Variants in OTUD7A observed in about 807,000 individuals in gnomAD.
OTUD7A encodes the protein OTU domain-containing protein 7A.
OTUD7A carries 12 observed loss-of-function variants against 65.7 expected under a neutral mutation model. That is an observed-to-expected ratio of 0.18 (90% confidence interval 0.12 to 0.30). The LOEUF (loss-of-function observed/expected upper bound fraction) is 0.30, where lower values mean the gene tolerates loss of function less well. Among genes scored for constraint, OTUD7A ranks in the 10% least tolerant of loss-of-function variants. The pLI, the probability that OTUD7A is intolerant of heterozygous loss-of-function variation, is 1.00. For missense variants in OTUD7A, 1,148 were observed against 1,304.8 expected (o/e 0.88, Z 1.85); for synonymous variants, 641 against 586.3 (o/e 1.09, Z -1.35).
At chr15:31,485,924 C>G (rs2041230429) in intron 12 of OTUD7A, among the ~76,000 whole-genome samples, 1 of 152,216 alleles carries the variant, frequency 6.6e-6, no homozygotes, top group South Asian at 2.1e-4. Flanking sequence ...ATTCCTTTCC[C>G]CTTCCCACCT....
At chr15:31,595,441 G>A (rs917476030) in intron 3 of OTUD7A, among the ~76,000 whole-genome samples, 7 of 152,222 alleles carry the variant, frequency 4.6e-5, no homozygotes, top group Admixed American at 2.6e-4. Flanking sequence ...ATGGTAGAAT[G>A]AATGCCCAGA....
At chr15:31,640,367 T>C (rs1272495136) in intron 3 of OTUD7A, among the ~76,000 whole-genome samples, 2 of 152,216 alleles carry the variant, frequency 1.3e-5, no homozygotes, top group Non-Finnish European at 2.9e-5. Flanking sequence ...CTTACTCATG[T>C]AACCAAACAC....
intron 1 of OTUD7A, among the ~76,000 whole-genome samples, chr15:31,760,105 A>G (rs1894921133): frequency 6.6e-6 from 1 of 152,182 alleles, no homozygotes; most frequent in South Asian, 2.1e-4. Flanking sequence ...AGTCTCCCTT[A>G]TAACTTTGCT....
chr15:31,653,715 A>G (rs1386485476), intron 3 of OTUD7A, among the ~76,000 whole-genome samples: 1 of 151,554 alleles, frequency 6.6e-6, no homozygotes, highest in East Asian at 1.9e-4. Flanking sequence ...GTTAAAGTTC[A>G]TAGAACTAGA....
chr15:31,549,382 T>A (rs1320195203), intron 5 of OTUD7A, among the ~76,000 whole-genome samples: 1 of 152,196 alleles, frequency 6.6e-6, no homozygotes, highest in Non-Finnish European at 1.5e-5. Flanking sequence ...TCTAAAGTGG[T>A]CCTCAGATTC....
chr15:31,607,078 A>G (rs1158084383), intron 3 of OTUD7A, among the ~76,000 whole-genome samples: 6 of 152,240 alleles, frequency 3.9e-5, no homozygotes, highest in Non-Finnish European at 7.3e-5. Context: ...ATGACATCAG[A>G]GAGTATAAAG....
chr15:31,715,058 C>T (rs1432038096), intron 1 of OTUD7A, among the ~76,000 whole-genome samples: 2 of 151,902 alleles, frequency 1.3e-5, no homozygotes, highest in African/African-American at 4.8e-5. Context: ...ATTGCTTGAA[C>T]CTGGGAGGCT....
At position 31,487,340 on chromosome 15, in the gene OTUD7A, C is replaced by G; in HGVS notation, c.1287-62G>C. 1 of 1,590,912 alleles carries G rather than the reference C, an allele frequency of 6.3e-7. No individual in the cohort carries two copies. ...GCTGGCCCTTATAGCACCCAGTCCA[C>G]TTGCATGCCAGCTGTCCCAGGAGGA... On this transcript the variant is annotated intron_variant, in intron 11 of 12. Transcript: ENST00000307050. This position sits in a 1 kb window ranked among gnomAD's most constrained non-coding sequence, Gnocchi z 6.0.
chr15:31,709,450 C>T (rs965309767), intron 1 of OTUD7A, among the ~76,000 whole-genome samples: 13 of 152,128 alleles, frequency 8.5e-5, no homozygotes, highest in Non-Finnish European at 1.6e-4. Flanking sequence ...CTATGAGATC[C>T]CCGGATACAC....
chr15:31,605,742 A>G (rs1404112532), intron 3 of OTUD7A, among the ~76,000 whole-genome samples: 1 of 152,134 alleles, frequency 6.6e-6, no homozygotes, highest in Non-Finnish European at 1.5e-5. Context: ...TACGTAAGCA[A>G]CTCCAGTGAC....
At chr15:31,821,298 G>A (rs1281325003) in intron 1 of OTUD7A, among the ~76,000 whole-genome samples, 1 of 143,344 alleles carries the variant, frequency 7.0e-6, no homozygotes, top group Non-Finnish European at 1.5e-5. Context: ...ACCACGCCCA[G>A]GTACCTTTTT....
chr15:31,519,269 G>A (rs114059373), intron 8 of OTUD7A, among the ~76,000 whole-genome samples: 4,098 of 152,246 alleles, frequency 0.027, 184 homozygotes, highest in African/African-American at 0.093. Context: ...ATGATCATAT[G>A]GTTTTTGTTC....
intron 3 of OTUD7A, among the ~76,000 whole-genome samples, chr15:31,581,984 A>C (rs1438815017): frequency 6.6e-6 from 1 of 152,094 alleles, no homozygotes; most frequent in African/African-American, 2.4e-5. Context: ...CCTATTCCAA[A>C]CCATATCTTT....
At position 31,657,084 on chromosome 15, in the gene OTUD7A, G is replaced by A. The variant is rs1311010703; in HGVS notation, c.-99-7C>T. 2.0e-5 allele frequency: 3 copies of A among 152,680 alleles called. No homozygotes were observed. Among genetic ancestry groups the A allele is most frequent in the Admixed American group, 1.3e-4 (2 of 15,288 alleles). The allele number at this position is 152,680 out of a possible 1,614,324, so 9.5% of individuals were successfully genotyped here. A position where few individuals can be genotyped will look rare whatever the true frequency, so the allele number is the denominator to read the frequency against. Reference sequence around the variant, plus strand: ...CTTCTTTCGTCACTGCCACCTGGGGGACAGATCAGAGAACAAGAGCATGTG... The same window carrying A: ...CTTCTTTCGTCACTGCCACCTGGGGAACAGATCAGAGAACAAGAGCATGTG... On this transcript the variant is annotated splice_region_variant and splice_polypyrimidine_tract_variant and intron_variant, in intron 1 of 12. Coordinates refer to ENST00000307050, the MANE Select transcript of OTUD7A (RefSeq NM_001382637.1).
chr15:31,484,117 A>G lies in OTUD7A; in HGVS notation c.1979T>C (p.Met660Thr). The change falls in exon 13 of 13, where the codon ATG becomes ACG. Residue 660 changes from methionine (M) to threonine (T), a missense_variant. This residue lies in a region of OTUD7A where 842 missense variants were observed against 769.5 expected (regional missense o/e 1.09). Coordinates refer to ENST00000307050, the MANE Select transcript of OTUD7A (RefSeq NM_001382637.1). The surrounding 1 kb of genome is among the most constrained non-coding windows in gnomAD (Gnocchi z 4.5). ...TSHRHQFHEEMIGYYLTSAQE... is the reference protein window; with the variant it reads ...TSHRHQFHEETIGYYLTSAQE... ...CGCGCTCGTCAGGTAGTAGCCGATC[A>G]TCTCCTCGTGGAACTGGTGCCGGTG... 1 of 1,607,206 alleles carries G rather than the reference A, an allele frequency of 6.2e-7. No homozygotes were observed. Among genetic ancestry groups the G allele is most frequent in the Non-Finnish European group, 8.5e-7 (1 of 1,179,388 alleles).
At chr15:31,504,518 C>T (rs1162948740) in intron 8 of OTUD7A, among the ~76,000 whole-genome samples, 1 of 152,206 alleles carries the variant, frequency 6.6e-6, no homozygotes, top group Admixed American at 6.5e-5. Context: ...CCCCCCATAG[C>T]AAGGCCACCC....
chr15:31,784,968 T>G (rs879771254), intron 1 of OTUD7A, among the ~76,000 whole-genome samples: 5 of 152,196 alleles, frequency 3.3e-5, no homozygotes, highest in Non-Finnish European at 5.9e-5. Flanking sequence ...ACTGCCCACC[T>G]GTGCTTATCT....
chr15:31,739,886 T>C (rs980578982), intron 1 of OTUD7A, among the ~76,000 whole-genome samples: 3 of 152,224 alleles, frequency 2.0e-5, no homozygotes, highest in Non-Finnish European at 4.4e-5. Flanking sequence ...ATGTCTTGAA[T>C]GCCTACACTG....
chr15:31,817,623 T>C (rs1896583724), intron 1 of OTUD7A, among the ~76,000 whole-genome samples: 1 of 152,150 alleles, frequency 6.6e-6, no homozygotes, highest in African/African-American at 2.4e-5. Context: ...ATGGATTGAC[T>C]CTACATGGGA....
Sources: allele counts gnomAD v4.1 joint callset (sites outside exome capture counted in the v4.1 genomes callset), GRCh38; gene constraint gnomAD v4.1.1; regional missense constraint gnomAD v4.1.1; non-coding constraint Gnocchi (gnomAD v3.1); transcripts MANE v1.5; gene names NCBI Gene and HGNC (gene_info 2026-07-23, HGNC 2026-07-21).